The following POGLUT2 variants were observed in gnomAD, a reference collection of about 807,000 sequenced individuals.
POGLUT2 encodes the protein ER protein 58.
In POGLUT2, 47 loss-of-function variants were observed where a neutral mutation model predicts 57.6. The ratio of observed to expected loss-of-function variants is 0.82; its 90% CI spans 0.65 to 1.04. POGLUT2 has a LOEUF of 1.04. Among genes scored for constraint, POGLUT2 ranks in the 50% least tolerant of loss-of-function variants. The pLI, the probability that POGLUT2 is intolerant of heterozygous loss-of-function variation, is 0.00. For missense variants in POGLUT2, 565 were observed against 614.8 expected, an observed-to-expected ratio of 0.92 and a Z score of 0.86; for synonymous variants, 200 against 218.8, an observed-to-expected ratio of 0.91 and a Z score of 0.76.
At chr13:102,796,177 C>T (rs1878369043) in intron 2 of POGLUT2, among the ~76,000 whole-genome samples, 1 of 151,844 alleles carries the variant, frequency 6.6e-6, no homozygotes, top group Non-Finnish European at 1.5e-5. Context: ...TGCCTGTAAT[C>T]CCAGCTACAT....
intron 6 of POGLUT2, among the ~76,000 whole-genome samples, chr13:102,789,902 G>A (rs984445246): frequency 5.9e-5 from 9 of 152,276 alleles, no homozygotes; most frequent in South Asian, 4.1e-4. Flanking sequence ...CTGGCTAACC[G>A]TATTTTTTAA....
At chr13:102,792,202 A>G in intron 4 of POGLUT2, 1 of 648,056 alleles carries the variant, frequency 1.5e-6, no homozygotes, top group Non-Finnish European at 1.9e-6. Context: ...ATGATTTTCC[A>G]TGAGTAGTTT....
intron 2 of POGLUT2, among the ~76,000 whole-genome samples, chr13:102,795,176 C>T (rs941990511): frequency 4.9e-5 from 7 of 143,250 alleles, no homozygotes; most frequent in East Asian, 2.1e-4. Flanking sequence ...CGCTTGAACC[C>T]GGGAGGCAGA....
Position 102,793,323 on chromosome 13 carries a change from G to C in POGLUT2, c.672+18C>G. ...GGCTTAAATTATCTATTACAGCTAA[G>C]AGAAAATATATACTTACCTTTCTAG... On this transcript the variant is annotated intron_variant, in intron 4 of 9. Transcript: ENST00000376004. The C allele has an allele frequency of 7.4e-7, 1 of 1,343,432 alleles. No individual in the cohort carries two copies. Among genetic ancestry groups the C allele is most frequent in the East Asian group, 2.3e-5 (1 of 43,652 alleles). The allele number at this position is 1,343,432 out of a possible 1,614,324, so 83.2% of individuals were successfully genotyped here. A position where few individuals can be genotyped will look rare whatever the true frequency, so the allele number is the denominator to read the frequency against.
intron 4 of POGLUT2, 169 bp downstream of exon 4, chr13:102,793,172 C>A: frequency 1.8e-6 from 1 of 553,318 alleles, no homozygotes; most frequent in South Asian, 2.7e-5. Flanking sequence ...TTACGGCAGC[C>A]CTAGGAAACA....
chr13:102,788,415 C>T, intron 7 of POGLUT2, among the ~76,000 whole-genome samples: 1 of 152,208 alleles, frequency 6.6e-6, no homozygotes, highest in East Asian at 1.9e-4. Flanking sequence ...ATGCTTGTGG[C>T]TCAGAGCAAC....
Position 102,791,347 on chromosome 13 carries a change from C to A in POGLUT2, c.756G>T (p.Pro252=), listed in dbSNP as rs565805867. The part of the protein sequence containing the change: ...EKKKSNSNIH[P]IFSWCGSTDS... ...CTGTGGAGCCACACCAGGAAAAGAT[C>A]GGATGGATGTTTGAATTGGATTTCT... The change falls in exon 5 of 10, where the codon CCG becomes CCT. Residue 252 remains proline (P), a synonymous_variant. Transcript: ENST00000376004. The A allele has an allele frequency of 6.2e-7, 1 of 1,612,916 alleles. No individual in the cohort carries two copies. The highest frequency in any genetic ancestry group is 8.5e-7 in the Non-Finnish European group (1 of 1,179,730).
chr13:102,784,871 C>G (rs562863071), intron 9 of POGLUT2, among the ~76,000 whole-genome samples: 2 of 152,204 alleles, frequency 1.3e-5, no homozygotes. Context: ...GGTACCTCCT[C>G]TCAATCACGT....
chr13:102,786,161 A>T, intron 9 of POGLUT2, 71 bp downstream of exon 9: 1 of 961,186 alleles, frequency 1.0e-6, no homozygotes, highest in Non-Finnish European at 1.7e-6. Context: ...GAATGACTAT[A>T]GGAATAAAAG....
In POGLUT2 at chr13:102,788,874, T is replaced by G. The variant is rs1878057356; in HGVS notation, c.1293+138A>C. 9 of 745,114 alleles carry G rather than the reference T, an allele frequency of 1.2e-5. 1 individual carries two copies. The South Asian group carries it at 1.4e-4, about 12-fold the overall frequency. 46.2% of individuals were successfully genotyped at this position (745,114 alleles called of 1,614,324 possible). A position where few individuals can be genotyped will look rare whatever the true frequency, so the allele number is the denominator to read the frequency against. Reference sequence around the variant, plus strand: ...CCTAGGGGAACTGCCGTGCCATCTATGGGCAGGCAGCTTCCCATTTACAGG... The same window carrying G: ...CCTAGGGGAACTGCCGTGCCATCTAGGGGCAGGCAGCTTCCCATTTACAGG... On this transcript the variant is annotated intron_variant, in intron 7 of 9. Transcript: ENST00000376004.
chr13:102,797,693 G>C (rs1243624394), intron 1 of POGLUT2, among the ~76,000 whole-genome samples: 1 of 151,854 alleles, frequency 6.6e-6, no homozygotes, highest in East Asian at 1.9e-4. Flanking sequence ...AGTGAGCTGT[G>C]ATTGCACCAC....
At chr13:102,793,299 G>T (rs1204775575) in intron 4 of POGLUT2, 42 bp downstream of exon 4, 2 of 1,070,376 alleles carry the variant, frequency 1.9e-6, no homozygotes, top group Admixed American at 4.0e-5. Context: ...TAAAATCTGG[G>T]CTTAAATTAT....
intron 9 of POGLUT2, among the ~76,000 whole-genome samples, chr13:102,785,503 C>G (rs1359692544): frequency 1.3e-5 from 2 of 150,890 alleles, no homozygotes; most frequent in East Asian, 3.9e-4. Context: ...CTAGTTTATG[C>G]AATTTACATT....
At position 102,787,870 on chromosome 13, in the gene POGLUT2, GC is replaced by G; in HGVS notation, c.1346del (p.Gly449AlafsTer20). 1 of 1,593,712 alleles carries G rather than the reference GC, an allele frequency of 6.3e-7. No homozygotes were observed. The highest frequency in any genetic ancestry group is 1.7e-5 in the Admixed American group (1 of 58,640). ...TGAAATAATAACAGAATATGTCATC[GC>G]CCATGAGATTATTTCTTGCAAATTC... ...GQEFARNNLM[G>X]DDIFCYYFKL... On this transcript the variant is annotated frameshift_variant, in exon 8 of 10. Transcript: ENST00000376004. LOFTEE classifies it high-confidence loss of function.
At chr13:102,797,186 A>T (rs1878436546) in intron 1 of POGLUT2, among the ~76,000 whole-genome samples, 177 bp from the exon 2 acceptor site, 1 of 152,200 alleles carries the variant, frequency 6.6e-6, no homozygotes, top group African/African-American at 2.4e-5. Flanking sequence ...TCAGAGATTT[A>T]AAAAAATGAG....
chr13:102,796,293 C>CAAAAAAAAAA (rs151064207), intron 2 of POGLUT2, among the ~76,000 whole-genome samples: 6 of 100,738 alleles, frequency 6.0e-5, no homozygotes, highest in African/African-American at 1.9e-4. Flanking sequence ...GACTCTGCCT[C>CAAAAAAAAAA]AAAAAAAAAA....
At chr13:102,784,653 C>T in intron 9 of POGLUT2, 141 bp from the exon 10 acceptor site, 1 of 605,544 alleles carries the variant, frequency 1.7e-6, no homozygotes, top group Non-Finnish European at 3.0e-6. Context: ...GGGACTATTT[C>T]CAGAGGCCCA....
In POGLUT2 at chr13:102,786,287, C is replaced by A. The variant is rs138249456; in HGVS notation, c.1436G>T (p.Arg479Met). ...SEPQIREGMKRVEPQTEDDLF... is the reference protein window; with the variant it reads ...SEPQIREGMKMVEPQTEDDLF... Reference sequence around the variant, plus strand: ...GTCGTCCTCAGTCTGTGGTTCTACCCTTTTCATGCCCTCTCGGATTTGGGG... The same window carrying A: ...GTCGTCCTCAGTCTGTGGTTCTACCATTTTCATGCCCTCTCGGATTTGGGG... Residue 479 changes from arginine to methionine, a missense_variant, in exon 9 of 10, where the codon AGG becomes ATG. Arg to Met is a moderately conservative substitution (Grantham distance 91, BLOSUM62 -1). Transcript: ENST00000376004. 17 of 1,614,106 alleles carry A rather than the reference C, an allele frequency of 1.1e-5. No homozygotes were observed. In the African/African-American group the frequency reaches 2.3e-4, roughly 22 times the overall value.
intron 9 of POGLUT2, among the ~76,000 whole-genome samples, chr13:102,784,829 A>C (rs550759294): frequency 6.6e-6 from 1 of 152,304 alleles, no homozygotes; most frequent in South Asian, 2.1e-4. Flanking sequence ...TCTGGCCCCT[A>C]ACTTCTACTA....
Sources: gnomAD v4.1 joint callset for allele counts (sites outside exome capture counted in the v4.1 genomes callset) on GRCh38, gnomAD v4.1.1 for gene constraint, MANE v1.5 for transcripts, NCBI Gene and HGNC (gene_info 2026-07-23, HGNC 2026-07-21) for gene names.